PEX11G: variants seen among roughly 807,000 people sequenced by gnomAD.
PEX11G encodes peroxisomal biogenesis factor 11 gamma.
PEX11G carries 20 observed loss-of-function variants against 22.5 expected under a neutral mutation model. The ratio of observed to expected loss-of-function variants is 0.89; its 90% CI spans 0.62 to 1.29. The LOEUF (loss-of-function observed/expected upper bound fraction) is 1.29, where lower values mean the gene tolerates loss of function less well. PEX11G is among the 50% of genes most tolerant of loss of function. PEX11G has a pLI of 0.00. For missense variants in PEX11G, 347 were observed against 331.3 expected (o/e 1.05, Z -0.37); for synonymous variants, 141 against 154.5 (o/e 0.91, Z 0.65).
At chr19:7,493,844 A>G (rs1336285649), upstream of PEX11G, among the ~76,000 whole-genome samples, 10 of 151,668 alleles carry the variant, frequency 6.6e-5, no homozygotes, top group Admixed American at 6.6e-4. Context: ...CGTCTCAAAA[A>G]AAAAAAAAAG....
rs1669268091 is a variant in PEX11G at position 7,477,301 on chromosome 19, G to A, written c.627C>T (p.Phe209=). ...LPRGVLWAGR[F]PPWLVGLMGT... ...CCATGAGGCCCACTAGCCACGGCGG[G>A]AAGCGGCCGGCCCACAGCACGCCCC... The change falls in exon 5 of 5, where the codon TTC becomes TTT. Residue 209 remains phenylalanine (F), a synonymous_variant. Transcript: ENST00000221480. 6.4e-7 allele frequency: 1 copy of A among 1,568,808 alleles called. No homozygotes were observed. Among genetic ancestry groups the A allele is most frequent in the Non-Finnish European group, 8.6e-7 (1 of 1,158,352 alleles).
chr19:7,493,917 T>C (rs1431468578), upstream of PEX11G, among the ~76,000 whole-genome samples: 11 of 151,254 alleles, frequency 7.3e-5, no homozygotes, highest in South Asian at 1.9e-3. Flanking sequence ...CTCTTTTTTT[T>C]TTTTTTTAGA....
rs369639712 is a variant in PEX11G at position 7,483,062 on chromosome 19, C to T, written c.250-851G>A. ...GAGCCCCGCAGCCAACCGGGGGACC[C>T]GCCCCCTTGGGACCCCACCCCCCTT... On this transcript the variant is annotated intron_variant, in intron 2 of 4. Coordinates refer to ENST00000221480, the MANE Select transcript of PEX11G (RefSeq NM_080662.4). Among the ~76,000 whole-genome samples, 305 of 152,068 alleles carry T rather than the reference C, an allele frequency of 2.0e-3. 2 individuals carry two copies. The highest frequency in any genetic ancestry group is 7.1e-3 in the African/African-American group (296 of 41,446).
At chr19:7,492,956 C>T (rs998898514), upstream of PEX11G, 1 of 152,194 alleles carries the variant, frequency 6.6e-6, no homozygotes, top group Non-Finnish European at 1.5e-5. Flanking sequence ...ATGTCATCCT[C>T]TCACGGGACC....
chr19:7,479,153 A>C (rs918618), intron 3 of PEX11G, among the ~76,000 whole-genome samples: 64,016 of 152,026 alleles, frequency 0.42, 15,247 homozygotes, highest in African/African-American at 0.66. Context: ...GGGGCTAGGG[A>C]AAAACACTGA....
rs912793763 is a variant in PEX11G at position 7,488,887 on chromosome 19, T to C, written c.60+64A>G. 1.1e-5 allele frequency: 17 copies of C among 1,516,734 alleles called. No individual in the cohort carries two copies. In the African/African-American group the frequency reaches 2.4e-4, roughly 21 times the overall value. 94.0% of individuals were successfully genotyped at this position (1,516,734 alleles called of 1,614,324 possible). ...GCGACCCCGTCCCCTCTCTGGCCCGTTTCCCAGTCTCTGAGCTTGGGCCAA... is the reference window on the plus strand; with the variant it reads ...GCGACCCCGTCCCCTCTCTGGCCCGCTTCCCAGTCTCTGAGCTTGGGCCAA... On this transcript the variant is annotated intron_variant, in intron 1 of 4. Coordinates refer to ENST00000221480, the MANE Select transcript of PEX11G (RefSeq NM_080662.4).
chr19:7,492,694 G>A (rs2021911924), upstream of PEX11G, among the ~76,000 whole-genome samples: 1 of 152,076 alleles, frequency 6.6e-6, no homozygotes, highest in African/African-American at 2.4e-5. Flanking sequence ...TGCCCACCTC[G>A]GCCTCCCAAA....
In PEX11G at chr19:7,478,264, C is replaced by T. The variant is rs765337840; in HGVS notation, c.491+50G>A. 1.6e-5 allele frequency: 26 copies of T among 1,586,284 alleles called. 1 individual carries two copies. In the Middle Eastern group the frequency reaches 6.4e-4, roughly 39 times the overall value. ...GGGGTGGCTGCGAGCCGGGATCCCA[C>T]GCCTGCTGGAGGGAGTGGGCCTCCC... On this transcript the variant is annotated intron_variant, in intron 4 of 4. Transcript: ENST00000221480.
At chr19:7,486,162 T>C in intron 1 of PEX11G, 136 bp from the exon 2 acceptor site, 2 of 765,740 alleles carry the variant, frequency 2.6e-6, no homozygotes, top group Non-Finnish European at 4.0e-6. Context: ...AGTCTCACTC[T>C]GTCATCCAGA....
At position 7,485,842 on chromosome 19, in the gene PEX11G, GCC is replaced by G. The variant is rs1263160263; in HGVS notation, c.243_244del (p.Ala82ThrfsTer18). 1 of 1,593,194 alleles carries G rather than the reference GCC, an allele frequency of 6.3e-7. No individual in the cohort carries two copies. Among genetic ancestry groups the G allele is most frequent in the Non-Finnish European group, 8.6e-7 (1 of 1,163,216 alleles). On this transcript the variant is annotated frameshift_variant, in exon 2 of 5. Transcript: ENST00000221480. LOFTEE classifies it high-confidence loss of function. ...GAGCCCCACAAACCCTGTTACCTGT[GCC>G]CCCAGGCCATATTGCTTAGTGTAGA...
chr19:7,487,661 A>G (rs1419234491), intron 1 of PEX11G, among the ~76,000 whole-genome samples: 1 of 152,202 alleles, frequency 6.6e-6, no homozygotes, highest in Non-Finnish European at 1.5e-5. Context: ...AGCTCAGACA[A>G]TCCACCCAGC....
Position 7,478,333 on chromosome 19 carries a change from G to A in PEX11G, c.472C>T (p.Pro158Ser), listed in dbSNP as rs1198087190. 1 of 1,611,156 alleles carries A rather than the reference G, an allele frequency of 6.2e-7. No homozygotes were observed. Among genetic ancestry groups the A allele is most frequent in the Non-Finnish European group, 8.5e-7 (1 of 1,179,568 alleles). The stretch of plus-strand genomic sequence containing the variant: ...TCCTACCTGGTGAAGGGCGCCGTGG[G>A]GCTCCGCAGCCTCTGTCTCAGTTTC... ...LLKLRQRLRSPTAPFTSPLPR... is the reference protein window; with the variant it reads ...LLKLRQRLRSSTAPFTSPLPR... Residue 158 changes from proline to serine, a missense_variant, in exon 4 of 5, where the codon CCC (proline) becomes TCC (serine). By Grantham distance (74) the Pro-to-Ser change is moderately conservative (BLOSUM62 -1). Coordinates refer to ENST00000221480, the MANE Select transcript of PEX11G (RefSeq NM_080662.4).
At position 7,478,506 on chromosome 19, in the gene PEX11G, C is replaced by T. The variant is rs114717808; in HGVS notation, c.429-130G>A. 907 of 920,084 alleles carry T rather than the reference C, an allele frequency of 9.9e-4. 7 individuals are homozygous for T. In the African/African-American group the frequency reaches 0.013, roughly 13 times the overall value. 57.0% of individuals were successfully genotyped at this position (920,084 alleles called of 1,614,324 possible). A position where few individuals can be genotyped will look rare whatever the true frequency, so the allele number is the denominator to read the frequency against. ...GATAAACGGCCTGCCCTCTCCCTGC[C>T]CCCACAGTCCCACACCCTCCTGGCT... On this transcript the variant is annotated intron_variant, in intron 3 of 4. Coordinates refer to ENST00000221480, the MANE Select transcript of PEX11G (RefSeq NM_080662.4).
upstream of PEX11G, among the ~76,000 whole-genome samples, chr19:7,493,465 G>A (rs2021924281): frequency 6.6e-6 from 1 of 150,960 alleles, no homozygotes; most frequent in African/African-American, 2.4e-5. Context: ...AAACTGCTGG[G>A]ATTACAGGCA....
chr19:7,483,591 A>G (rs546568433), intron 2 of PEX11G, among the ~76,000 whole-genome samples: 26 of 152,300 alleles, frequency 1.7e-4, no homozygotes, highest in East Asian at 7.7e-4. Flanking sequence ...GATGCACCAG[A>G]GCGCTGTCCT....
chr19:7,478,194 T>G, intron 4 of PEX11G, 120 bp downstream of exon 4: 1 of 1,047,166 alleles, frequency 9.5e-7, no homozygotes, highest in African/African-American at 1.6e-5. Context: ...CTGTGATGAC[T>G]CCCCCATGAC....
At chr19:7,493,501 T>C (rs552461466), upstream of PEX11G, among the ~76,000 whole-genome samples, 8 of 150,950 alleles carry the variant, frequency 5.3e-5, no homozygotes, top group African/African-American at 1.9e-4. Context: ...AGCCTCTTTT[T>C]TTTTTCTTCT....
chr19:7,478,190 T>G (rs1160917507), intron 4 of PEX11G, 124 bp downstream of exon 4: 3 of 1,020,040 alleles, frequency 2.9e-6, no homozygotes, highest in Non-Finnish European at 4.3e-6. Context: ...GAGGCTGTGA[T>G]GACTCCCCCA....
upstream of PEX11G, among the ~76,000 whole-genome samples, chr19:7,490,123 G>T (rs2021846035): frequency 2.0e-5 from 3 of 152,056 alleles, no homozygotes. Context: ...CTCCCAAAGT[G>T]CTGGGATTAC....
Sources: allele counts gnomAD v4.1 joint callset (sites outside exome capture counted in the v4.1 genomes callset), GRCh38; gene constraint gnomAD v4.1.1; transcripts MANE v1.5; gene names NCBI Gene and HGNC (gene_info 2026-07-23, HGNC 2026-07-21).